NFU1: variants seen among roughly 807,000 people sequenced by gnomAD.
NFU1 encodes the protein NFU1 iron-sulfur cluster scaffold, also known as NFU1 iron-sulfur cluster scaffold homolog, mitochondrial.
NFU1 carries 30 observed loss-of-function variants against 32.2 expected under a neutral mutation model. That is an observed-to-expected ratio of 0.93 (90% confidence interval 0.70 to 1.26). The LOEUF is 1.26. Ranked by LOEUF, NFU1 falls within the 50% of genes most tolerant of loss-of-function variation. NFU1 has a pLI of 0.00. For missense variants in NFU1, 306 were observed against 306.6 expected, an observed-to-expected ratio of 1.00 and a Z score of 0.02; for synonymous variants, 112 against 104.6, an observed-to-expected ratio of 1.07 and a Z score of -0.43.
intron 6 of NFU1, 131 bp from the exon 7 acceptor site, chr2:69,400,669 G>A (rs1672493848): frequency 1.4e-6 from 1 of 729,418 alleles, no homozygotes. Context: ...TTATAATACA[G>A]AATAATAACT....
At chr2:69,436,600 A>C (rs184435511) in intron 1 of NFU1, among the ~76,000 whole-genome samples, 2 of 152,282 alleles carry the variant, frequency 1.3e-5, no homozygotes, top group East Asian at 3.9e-4. Context: ...AATTCTACCA[A>C]CTTAAATCTT....
intron 3 of NFU1, among the ~76,000 whole-genome samples, 174 bp from the exon 4 acceptor site, chr2:69,419,778 C>G (rs1315808811): frequency 6.6e-6 from 1 of 152,202 alleles, no homozygotes; most frequent in African/African-American, 2.4e-5. Context: ...AGCAATCCCA[C>G]TCCTAGTTAT....
At chr2:69,405,160 C>T (rs971518769) in intron 6 of NFU1, among the ~76,000 whole-genome samples, 4 of 152,036 alleles carry the variant, frequency 2.6e-5, no homozygotes, top group Admixed American at 6.6e-5. Flanking sequence ...ATCTGGAGAA[C>T]CGCTTGAACC....
chr2:69,413,489 G>C (rs1672956675), intron 5 of NFU1, among the ~76,000 whole-genome samples: 2 of 151,978 alleles, frequency 1.3e-5, no homozygotes, highest in South Asian at 2.1e-4. Flanking sequence ...CGGCCAGGCA[G>C]GGTGGCTCAC....
chr2:69,437,439 T>C, upstream of NFU1: 2 of 1,609,656 alleles, frequency 1.2e-6, no homozygotes, highest in Non-Finnish European at 1.7e-6. Context: ...CCGGAGTGCC[T>C]AAGGGTCTCC....
rs890994753 is a variant in NFU1 at position 69,434,033 on chromosome 2, T to C, written c.63-2028A>G. Among the ~76,000 whole-genome samples the C allele has an allele frequency of 5.3e-5, 8 of 152,270 alleles. 1 individual carries two copies. Among genetic ancestry groups the C allele is most frequent in the Admixed American group, 6.5e-5 (1 of 15,294 alleles). Reference sequence around the variant, plus strand: ...TCCTGGCTCAAGTAATCCTCCCACTTTGGCCTCCCAAAGTGCTGGGATTAT... The same window carrying C: ...TCCTGGCTCAAGTAATCCTCCCACTCTGGCCTCCCAAAGTGCTGGGATTAT... On this transcript the variant is annotated intron_variant, in intron 1 of 7. Coordinates refer to ENST00000410022, the MANE Select transcript of NFU1 (RefSeq NM_001002755.4).
intron 6 of NFU1, among the ~76,000 whole-genome samples, chr2:69,404,440 T>C (rs6754935): frequency 0.66 from 97,756 of 148,862 alleles, 33,535 homozygotes; most frequent in African/African-American, 0.87. Flanking sequence ...TGCAGTGAGC[T>C]GATATCGTGC....
chr2:69,430,028 CA>C, intron 2 of NFU1: 5 of 314,658 alleles, frequency 1.6e-5, no homozygotes, highest in East Asian at 1.3e-4. Flanking sequence ...GACCCTGCCT[CA>C]AAAACAAACA....
At chr2:69,432,096 T>G in intron 1 of NFU1, 91 bp from the exon 2 acceptor site, 1 of 799,116 alleles carries the variant, frequency 1.3e-6, no homozygotes, top group East Asian at 2.6e-5. Context: ...AAGACCTATG[T>G]AAAATTTAAA....
intron 1 of NFU1, among the ~76,000 whole-genome samples, chr2:69,432,313 G>A (rs566197103): frequency 6.6e-6 from 1 of 152,264 alleles, no homozygotes; most frequent in South Asian, 2.1e-4. Flanking sequence ...GGTGGCTCAC[G>A]CCTGTAATCC....
chr2:69,418,012 A>C (rs1394213345), intron 4 of NFU1, among the ~76,000 whole-genome samples: 1 of 152,230 alleles, frequency 6.6e-6, no homozygotes, highest in East Asian at 1.9e-4. Context: ...GAATTAGATA[A>C]CATATGTAAA....
chr2:69,418,892 A>G (rs942650222), intron 4 of NFU1, among the ~76,000 whole-genome samples: 1 of 152,224 alleles, frequency 6.6e-6, no homozygotes, highest in Non-Finnish European at 1.5e-5. Context: ...AGTTCCGTGG[A>G]TATATGTCAA....
intron 3 of NFU1, among the ~76,000 whole-genome samples, chr2:69,420,970 G>A (rs994513852): frequency 1.3e-5 from 2 of 152,210 alleles, no homozygotes; most frequent in East Asian, 1.9e-4. Flanking sequence ...TTTGGAAGCC[G>A]AGAAGGACAG....
At chr2:69,426,919 A>C (rs1056767376) in intron 2 of NFU1, among the ~76,000 whole-genome samples, 8 of 150,616 alleles carry the variant, frequency 5.3e-5, no homozygotes, top group African/African-American at 1.2e-4. Flanking sequence ...AAATACAAAA[A>C]TTAGCCAGAC....
At chr2:69,423,515 G>T in intron 3 of NFU1, 67 bp downstream of exon 3, 1 of 1,442,302 alleles carries the variant, frequency 6.9e-7, no homozygotes, top group Non-Finnish European at 9.6e-7. Flanking sequence ...AAACAGAGTT[G>T]TCTTAACCCC....
At chr2:69,408,734 T>TATATA (rs1672781178) in intron 5 of NFU1, among the ~76,000 whole-genome samples, 3 of 136,426 alleles carry the variant, frequency 2.2e-5, no homozygotes, top group African/African-American at 7.7e-5. Context: ...ATATAAAATT[T>TATATA]TATATATATA....
chr2:69,437,374 C>G lies in NFU1; in HGVS notation c.49G>C (p.Gly17Arg), dbSNP rs757223116. 1.8e-5 allele frequency: 29 copies of G among 1,608,380 alleles called. No individual in the cohort carries two copies. The African/African-American group carries it at 3.5e-4, about 19-fold the overall frequency. ...RGWGAAAVAAGLRRRFCHMLK... is the reference protein window; with the variant it reads ...RGWGAAAVAARLRRRFCHMLK... ...CTCGTCACCTACCGCCTGCGCAGCC[C>G]GGCGGCAACAGCCGCAGCTCCCCAG... The change falls in exon 1 of 8, where the codon GGG becomes CGG. Residue 17 changes from glycine (G) to arginine (R), a missense_variant. Physicochemically the swap from Gly to Arg is moderately radical, Grantham distance 125. Transcript: ENST00000410022.
At chr2:69,399,152 G>C (rs923838591) in intron 7 of NFU1, 6 of 252,982 alleles carry the variant, frequency 2.4e-5, no homozygotes, top group Non-Finnish European at 4.8e-5. Context: ...AGGTTGCAGT[G>C]AGCCGAGATA....
intron 2 of NFU1, among the ~76,000 whole-genome samples, chr2:69,426,550 T>C (rs1464517316): frequency 3.3e-5 from 5 of 151,978 alleles, no homozygotes; most frequent in Admixed American, 6.6e-5. Context: ...CCTCCCAAAA[T>C]GCTGGGATTA....
Sources: allele counts gnomAD v4.1 joint callset (sites outside exome capture counted in the v4.1 genomes callset), GRCh38; gene constraint gnomAD v4.1.1; transcripts MANE v1.5; gene names NCBI Gene and HGNC (gene_info 2026-07-23, HGNC 2026-07-21).